CHP1: variants seen among roughly 807,000 people sequenced by gnomAD.
CHP1 encodes the protein calcineurin B homologous protein 1.
CHP1 carries 11 observed loss-of-function variants against 27.4 expected under a neutral mutation model. That is an observed-to-expected ratio of 0.40 (90% CI 0.25 to 0.67). CHP1 has a LOEUF of 0.67. Among genes scored for constraint, CHP1 ranks in the 30% least tolerant of loss-of-function variants. The pLI, the probability that CHP1 is intolerant of heterozygous loss-of-function variation, is 0.38. For synonymous variants in CHP1, 89 were observed against 87.4 expected (o/e 1.02, Z -0.10); for missense variants, 169 against 251.3 (o/e 0.67, Z 2.22).
At chr15:41,278,578 G>A (rs1165923001) in intron 5 of CHP1, among the ~76,000 whole-genome samples, 189 bp from the exon 6 acceptor site, 1 of 152,100 alleles carries the variant, frequency 6.6e-6, no homozygotes, top group African/African-American at 2.4e-5. Context: ...TCAAAATACA[G>A]TATTATAATC....
At chr15:41,272,748 G>A (rs1385151433) in intron 5 of CHP1, among the ~76,000 whole-genome samples, 4 of 151,242 alleles carry the variant, frequency 2.6e-5, no homozygotes, top group Non-Finnish European at 5.9e-5. Context: ...AGAAGACAGC[G>A]TAAGAAAAGA....
chr15:41,252,405 G>C (rs2047374255), intron 2 of CHP1, among the ~76,000 whole-genome samples: 1 of 151,762 alleles, frequency 6.6e-6, no homozygotes, highest in African/African-American at 2.4e-5. Flanking sequence ...CTGACCTCAT[G>C]ATCCACCCAC....
At chr15:41,256,856 A>T (rs908923928) in intron 2 of CHP1, 54 bp from the exon 3 acceptor site, 1 of 1,429,892 alleles carries the variant, frequency 7.0e-7, no homozygotes, top group African/African-American at 1.4e-5. Context: ...TGACTTAAGG[A>T]GTTCATGCTA....
At chr15:41,259,159 A>G (rs562728641) in intron 3 of CHP1, among the ~76,000 whole-genome samples, 1 of 152,290 alleles carries the variant, frequency 6.6e-6, no homozygotes, top group African/African-American at 2.4e-5. Context: ...AACCCTATCC[A>G]GAGATAACTT....
At chr15:41,261,121 T>C (rs2047430740) in intron 3 of CHP1, among the ~76,000 whole-genome samples, 1 of 151,218 alleles carries the variant, frequency 6.6e-6, no homozygotes. Flanking sequence ...CCTTTTCCTT[T>C]CCTTTTCCTT....
chr15:41,235,122 A>G (rs2140920211), intron 1 of CHP1, among the ~76,000 whole-genome samples: 1 of 152,338 alleles, frequency 6.6e-6, no homozygotes, highest in East Asian at 1.9e-4. Flanking sequence ...CTTATTTGAA[A>G]AAAAGGTGTA....
At chr15:41,274,051 C>T (rs1233560058) in intron 5 of CHP1, among the ~76,000 whole-genome samples, 3 of 152,142 alleles carry the variant, frequency 2.0e-5, no homozygotes, top group East Asian at 2.0e-4. Context: ...ACCTCCGCCT[C>T]CCGGGTTCAA....
chr15:41,273,521 A>G (rs999285622), intron 5 of CHP1, among the ~76,000 whole-genome samples: 2 of 152,020 alleles, frequency 1.3e-5, no homozygotes, highest in Non-Finnish European at 2.9e-5. Context: ...AGCTGGGATT[A>G]TAGGCATGCG....
At chr15:41,264,363 T>G (rs1469970341) in intron 4 of CHP1, 1 of 368,972 alleles carries the variant, frequency 2.7e-6, no homozygotes, top group Admixed American at 3.9e-5. Flanking sequence ...AAGGTTGGAA[T>G]GCCACAGAAA....
intron 1 of CHP1, among the ~76,000 whole-genome samples, chr15:41,240,626 G>A (rs1432049803): frequency 6.6e-6 from 1 of 151,802 alleles, no homozygotes; most frequent in Non-Finnish European, 1.5e-5. Context: ...GGTGGCGCAT[G>A]CCTATAATTC....
intron 1 of CHP1, among the ~76,000 whole-genome samples, chr15:41,234,647 T>G (rs1595469034): frequency 6.6e-6 from 1 of 152,226 alleles, no homozygotes; most frequent in East Asian, 1.9e-4. Context: ...GGATAAGAAT[T>G]ACCTGTGATC....
At chr15:41,235,479 G>A (rs927234740) in intron 1 of CHP1, among the ~76,000 whole-genome samples, 5 of 152,076 alleles carry the variant, frequency 3.3e-5, no homozygotes, top group Admixed American at 6.6e-5. Flanking sequence ...AGCCATGTTC[G>A]TGCCACTGCA....
At chr15:41,250,776 T>C (rs1048843515) in intron 2 of CHP1, among the ~76,000 whole-genome samples, 2 of 150,826 alleles carry the variant, frequency 1.3e-5, no homozygotes, top group African/African-American at 4.9e-5. Flanking sequence ...CAATAAGATA[T>C]ATATAGATGA....
intron 2 of CHP1, among the ~76,000 whole-genome samples, chr15:41,249,264 C>T (rs910634627): frequency 6.6e-5 from 10 of 152,044 alleles, no homozygotes; most frequent in Non-Finnish European, 1.5e-4. Flanking sequence ...ACTGTAGCCT[C>T]CCACCTCAGC....
chr15:41,262,691 T>C, intron 3 of CHP1, 65 bp from the exon 4 acceptor site: 1 of 1,594,386 alleles, frequency 6.3e-7, no homozygotes, highest in Non-Finnish European at 8.6e-7. Flanking sequence ...TGCCAGTATA[T>C]TTAATTCATA....
intron 2 of CHP1, 65 bp from the exon 3 acceptor site, chr15:41,256,845 C>G: frequency 7.4e-7 from 1 of 1,353,456 alleles, no homozygotes; most frequent in Admixed American, 1.7e-5. Context: ...CTGTTACCTC[C>G]TGACTTAAGG....
chr15:41,258,002 G>C (rs546166864), intron 3 of CHP1, among the ~76,000 whole-genome samples: 1 of 152,110 alleles, frequency 6.6e-6, no homozygotes, highest in Admixed American at 6.6e-5. Flanking sequence ...TTGTACACCC[G>C]TGCTTACTCT....
At chr15:41,242,855 A>G (rs1340620218) in intron 1 of CHP1, among the ~76,000 whole-genome samples, 1 of 150,492 alleles carries the variant, frequency 6.6e-6, no homozygotes, top group Non-Finnish European at 1.5e-5. Context: ...AGGCAGGAGA[A>G]TCGCTTGAAC....
chr15:41,262,714 C>T (rs1022065241), intron 3 of CHP1, 42 bp from the exon 4 acceptor site: 46 of 1,605,164 alleles, frequency 2.9e-5, no homozygotes, highest in Non-Finnish European at 3.5e-5. Context: ...AAATAATCAC[C>T]GTGATTGACA....
Sources: allele counts gnomAD v4.1 joint callset (sites outside exome capture counted in the v4.1 genomes callset), GRCh38; gene constraint gnomAD v4.1.1; transcripts MANE v1.5; gene names NCBI Gene and HGNC (gene_info 2026-07-23, HGNC 2026-07-21).